TMEM200C: variants seen among roughly 807,000 people sequenced by gnomAD.
TMEM200C encodes the protein transmembrane protein TTMA.
For synonymous variants in TMEM200C, 462 were observed against 324.7 expected, an observed-to-expected ratio of 1.42 and a Z score of -4.55; for missense variants, 966 against 699.9, an observed-to-expected ratio of 1.38 and a Z score of -4.29.
Position 5,890,856 on chromosome 18 carries a change from C to T in TMEM200C, c.1208G>A (p.Arg403Lys), listed in dbSNP as rs1293246960. 1.8e-5 allele frequency: 12 copies of T among 680,186 alleles called. 1 individual carries two copies. The East Asian group carries it at 3.2e-4, about 18-fold the overall frequency. The allele number at this position is 680,186 out of a possible 1,614,324, so 42.1% of individuals were successfully genotyped here. Residue 403 changes from arginine (R) to lysine (K), a missense_variant, in exon 3 of 3, where the codon AGG (arginine) becomes AAG (lysine). By Grantham distance (26) the Arg-to-Lys change is conservative. Coordinates refer to ENST00000581347, the Ensembl canonical transcript of TMEM200C. ...CTGGGAGCCGCGTTCCCCCGGAGGC[C>T]TCTGCCAGCTGCAGCTCGCGCCCTC...
At chr18:5,882,564 T>G (rs2144421942) in exon 3 of TMEM200C, 1 of 152,290 alleles carries the variant, frequency 6.6e-6, no homozygotes, top group South Asian at 2.1e-4. Flanking sequence ...TTCAATTGTG[T>G]TTTGGCTTTT....
chr18:5,892,249 G>A, intron 2 of TMEM200C, 92 bp from the exon 2 acceptor site: 1 of 635,472 alleles, frequency 1.6e-6, no homozygotes. Context: ...CCCACTCCGT[G>A]TGTGCCCCCC....
exon 3 of TMEM200C, chr18:5,887,048 G>A (rs1354538230): frequency 6.6e-6 from 1 of 152,116 alleles, no homozygotes; most frequent in African/African-American, 2.4e-5. Flanking sequence ...TTCCTATAGT[G>A]TGGAAAAGGA....
At chr18:5,886,908 A>T (rs146572038) in exon 3 of TMEM200C, 1 of 152,210 alleles carries the variant, frequency 6.6e-6, no homozygotes, top group African/African-American at 2.4e-5. Flanking sequence ...TTAGCAGTTG[A>T]TTCTATTTTA....
exon 3 of TMEM200C, chr18:5,886,940 T>C (rs1260065556): frequency 6.6e-6 from 1 of 152,224 alleles, no homozygotes; most frequent in East Asian, 1.9e-4. Context: ...CAAACCTTTG[T>C]ATAATACTCT....
exon 3 of TMEM200C, chr18:5,884,249 T>A (rs1190110860): frequency 6.6e-6 from 1 of 152,150 alleles, no homozygotes; most frequent in Non-Finnish European, 1.5e-5. Context: ...TAATTAAATA[T>A]CAATTACCTT....
At chr18:5,895,698 C>T (rs1208821907) in intron 1 of TMEM200C, among the ~76,000 whole-genome samples, 176 bp from the exon 1 acceptor site, 2 of 149,998 alleles carry the variant, frequency 1.3e-5, no homozygotes, top group Non-Finnish European at 3.0e-5. Context: ...GAGGAGGAGG[C>T]GTGAGGGGAG....
chr18:5,890,294 C>G (rs2144445710), exon 3 of TMEM200C: 1 of 1,599,212 alleles, frequency 6.3e-7, no homozygotes, highest in East Asian at 2.3e-5. Flanking sequence ...GCCTCTGCAC[C>G]GGCTGAGGTT....
chr18:5,891,268 A>G lies in TMEM200C; in HGVS notation c.796T>C (p.Cys266Arg). The G allele has an allele frequency of 7.1e-7, 1 of 1,405,468 alleles. No individual in the cohort carries two copies. The highest frequency in any genetic ancestry group is 9.3e-7 in the Non-Finnish European group (1 of 1,074,854). 87.1% of individuals were successfully genotyped at this position (1,405,468 alleles called of 1,614,324 possible). Residue 266 changes from cysteine (C) to arginine (R), a missense_variant, in exon 3 of 3, where the codon TGC becomes CGC. Cys to Arg is a radical substitution (Grantham distance 180, BLOSUM62 -3). Coordinates refer to ENST00000581347, the Ensembl canonical transcript of TMEM200C. The surrounding 1 kb of genome is among the most constrained non-coding windows in gnomAD (Gnocchi z 4.7). ...CCGAAGGCGTCCCCGGAGCCACCGC[A>G]GCCCCCGGGCTTCAGCTCCAGGCCC... is the stretch of plus-strand genomic sequence containing the variant.
chr18:5,895,935 G>C (rs923353773), exon 1 of TMEM200C: 1 of 152,504 alleles, frequency 6.6e-6, no homozygotes, highest in African/African-American at 2.4e-5. Context: ...CGCTCTCGGG[G>C]AGCTAGGGGC....
At chr18:5,884,427 T>C (rs929468990) in exon 3 of TMEM200C, 1 of 152,138 alleles carries the variant, frequency 6.6e-6, no homozygotes, top group East Asian at 1.9e-4. Flanking sequence ...ATTCACATTA[T>C]AGTAAAATTA....
In TMEM200C at chr18:5,891,217, A is replaced by G; in HGVS notation, c.847T>C (p.Ser283Pro). 8.4e-7 allele frequency: 1 copy of G among 1,194,818 alleles called. No homozygotes were observed. Among genetic ancestry groups the G allele is most frequent in the African/African-American group, 1.6e-5 (1 of 62,152 alleles). 74.0% of individuals were successfully genotyped at this position (1,194,818 alleles called of 1,614,324 possible). A position where few individuals can be genotyped will look rare whatever the true frequency, so the allele number is the denominator to read the frequency against. Reference sequence around the variant, plus strand: ...GGCGCCGCGGGGTGAGGAGGCCACGAGCCCTTGGCCAGCATCGCCGCCGCT... The same window carrying G: ...GGCGCCGCGGGGTGAGGAGGCCACGGGCCCTTGGCCAGCATCGCCGCCGCT... The change falls in exon 3 of 3, where the codon TCG becomes CCG. Residue 283 changes from serine (S) to proline (P), a missense_variant. Coordinates refer to ENST00000581347, the Ensembl canonical transcript of TMEM200C. This position sits in a 1 kb window ranked among gnomAD's most constrained non-coding sequence, Gnocchi z 4.7.
exon 3 of TMEM200C, chr18:5,884,135 G>A (rs768692096): frequency 1.3e-5 from 2 of 152,074 alleles, no homozygotes; most frequent in Non-Finnish European, 2.9e-5. Flanking sequence ...TTATAAAGGA[G>A]ACATCTATTT....
exon 3 of TMEM200C, chr18:5,890,533 G>C (rs2095169253): frequency 6.8e-7 from 1 of 1,479,258 alleles, no homozygotes; most frequent in Admixed American, 2.2e-5. Flanking sequence ...CCCTCCAGCC[G>C]CAGGGGTGGC....
At chr18:5,892,056 G>A (rs774695076) in exon 3 of TMEM200C, 3 of 1,612,072 alleles carry the variant, frequency 1.9e-6, no homozygotes, top group African/African-American at 2.7e-5. Context: ...GCCGCCGGTG[G>A]CGATCATGGC....
exon 3 of TMEM200C, chr18:5,886,868 A>G (rs1226589625): frequency 6.6e-6 from 1 of 152,198 alleles, no homozygotes; most frequent in African/African-American, 2.4e-5. Flanking sequence ...TATTCTATTA[A>G]TAAAAAGGAA....
At chr18:5,884,999 T>C (rs982265361) in exon 3 of TMEM200C, 1 of 152,186 alleles carries the variant, frequency 6.6e-6, no homozygotes, top group Non-Finnish European at 1.5e-5. Context: ...TTGAATTTCT[T>C]AAATATTAAA....
chr18:5,890,608 G>T (rs1365189979), exon 3 of TMEM200C: 4 of 1,132,232 alleles, frequency 3.5e-6, no homozygotes, highest in East Asian at 3.2e-5. Flanking sequence ...GAGGGCGGGG[G>T]CTCGGGGGAC....
At chr18:5,894,485 C>G (rs1302958594) in intron 2 of TMEM200C, among the ~76,000 whole-genome samples, 1 of 152,194 alleles carries the variant, frequency 6.6e-6, no homozygotes, top group African/African-American at 2.4e-5. Flanking sequence ...TCAAGCTTGG[C>G]TGCCCTCGCA....
Sources: allele counts gnomAD v4.1 joint callset (sites outside exome capture counted in the v4.1 genomes callset), GRCh38; gene constraint gnomAD v4.1.1; non-coding constraint Gnocchi (gnomAD v3.1); transcripts MANE v1.5; gene names NCBI Gene and HGNC (gene_info 2026-07-23, HGNC 2026-07-21).